The following CHN1 variants were observed in gnomAD, a reference collection of about 807,000 sequenced individuals.
CHN1 encodes the protein N-chimaerin.
CHN1 carries 37 observed loss-of-function variants against 59.5 expected under a neutral mutation model. The ratio of observed to expected loss-of-function variants is 0.62; its 90% confidence interval spans 0.48 to 0.82. The LOEUF (loss-of-function observed/expected upper bound fraction) is 0.82, where lower values mean the gene tolerates loss of function less well. Among genes scored for constraint, CHN1 ranks in the 40% least tolerant of loss-of-function variants. The pLI, the probability that CHN1 is intolerant of heterozygous loss-of-function variation, is 0.00. For synonymous variants in CHN1, 206 were observed against 200.4 expected (o/e 1.03, Z -0.24); for missense variants, 469 against 571.0 (o/e 0.82, Z 1.82).
chr2:174,868,713 G>C (rs962088607), intron 6 of CHN1, among the ~76,000 whole-genome samples: 14 of 152,132 alleles, frequency 9.2e-5, no homozygotes, highest in Non-Finnish European at 1.2e-4. Context: ...TGCTACACAA[G>C]AGAATGTCAT....
chr2:174,962,396 T>C (rs1262415394), intron 1 of CHN1, among the ~76,000 whole-genome samples: 3 of 152,124 alleles, frequency 2.0e-5, no homozygotes, highest in Admixed American at 6.5e-5. Flanking sequence ...AACAGCAGCT[T>C]GTTCAAAGTT....
At chr2:174,865,280 G>A (rs1235856984) in intron 6 of CHN1, among the ~76,000 whole-genome samples, 1 of 152,086 alleles carries the variant, frequency 6.6e-6, no homozygotes, top group Non-Finnish European at 1.5e-5. Flanking sequence ...AGCTCTAGAG[G>A]TACTACTCCC....
At position 175,005,041 on chromosome 2, in the gene CHN1, C is replaced by A; in HGVS notation, c.-129G>T. The stretch of plus-strand genomic sequence containing the variant: ...GCCCGATGGGGCGTGCTGGGGGCGC[C>A]GGCGCCCGGGGAGGCTGCAGGCCGG... On this transcript the variant is annotated 5_prime_UTR_variant, in exon 1 of 13. Coordinates refer to ENST00000409900, the MANE Select transcript of CHN1 (RefSeq NM_001822.7). The A allele has an allele frequency of 7.2e-7, 1 of 1,392,544 alleles. No homozygotes were observed. The highest frequency in any genetic ancestry group is 9.3e-7 in the Non-Finnish European group (1 of 1,070,066). 86.3% of individuals were successfully genotyped at this position (1,392,544 alleles called of 1,614,324 possible). A position where few individuals can be genotyped will look rare whatever the true frequency, so the allele number is the denominator to read the frequency against.
At chr2:174,825,202 G>A (rs914322837) in intron 7 of CHN1, among the ~76,000 whole-genome samples, 1 of 152,134 alleles carries the variant, frequency 6.6e-6, no homozygotes, top group African/African-American at 2.4e-5. Context: ...TATGTCTTGG[G>A]TCCTGTTAGG....
chr2:174,988,387 G>A (rs189636039), intron 1 of CHN1, among the ~76,000 whole-genome samples: 3 of 151,650 alleles, frequency 2.0e-5, no homozygotes, highest in African/African-American at 7.3e-5. Context: ...CAAATACTTG[G>A]GGAAAAATAG....
intron 1 of CHN1, among the ~76,000 whole-genome samples, chr2:174,984,245 G>GCTC (rs1691262162): frequency 1.3e-5 from 2 of 151,546 alleles, no homozygotes; most frequent in South Asian, 4.2e-4. Flanking sequence ...CCTTACATCT[G>GCTC]CTCCTACATA....
intron 3 of CHN1, among the ~76,000 whole-genome samples, chr2:174,936,321 G>A (rs1689493941): frequency 6.6e-6 from 1 of 151,966 alleles, no homozygotes; most frequent in Admixed American, 6.6e-5. Flanking sequence ...CCACTTTGAG[G>A]GTCCATGTTT....
intron 3 of CHN1, among the ~76,000 whole-genome samples, chr2:174,928,951 A>T (rs1689253171): frequency 6.6e-6 from 1 of 152,244 alleles, no homozygotes; most frequent in Non-Finnish European, 1.5e-5. Flanking sequence ...TACTTATAAA[A>T]GACCTACATA....
chr2:174,897,099 C>T (rs1688239924), intron 5 of CHN1, among the ~76,000 whole-genome samples: 1 of 152,088 alleles, frequency 6.6e-6, no homozygotes, highest in South Asian at 2.1e-4. Flanking sequence ...TGTGTTCTGG[C>T]AAAATTTGGG....
intron 3 of CHN1, 25 bp from the exon 4 acceptor site, chr2:174,918,590 C>T: frequency 1.9e-6 from 3 of 1,576,264 alleles, no homozygotes; most frequent in Non-Finnish European, 2.6e-6. Flanking sequence ...AAAAAACAGG[C>T]ATATTTGTAA....
chr2:174,993,315 C>G (rs1691608215), intron 1 of CHN1, among the ~76,000 whole-genome samples: 1 of 138,250 alleles, frequency 7.2e-6, no homozygotes, highest in African/African-American at 2.8e-5. Flanking sequence ...TCTCTCTCCC[C>G]TATCACAATA....
intron 5 of CHN1, among the ~76,000 whole-genome samples, chr2:174,895,465 G>T (rs79672904): frequency 0.042 from 6,313 of 152,042 alleles, 466 homozygotes; most frequent in African/African-American, 0.14. Context: ...CAGATTTTCA[G>T]TCACACAAGA....
At chr2:174,839,039 G>T (rs1686196643) in intron 7 of CHN1, among the ~76,000 whole-genome samples, 1 of 151,536 alleles carries the variant, frequency 6.6e-6, no homozygotes, top group African/African-American at 2.4e-5. Flanking sequence ...AAATTTAGAA[G>T]AAGTGACAAT....
intron 1 of CHN1, among the ~76,000 whole-genome samples, chr2:174,961,826 G>A (rs1478331318): frequency 6.6e-6 from 1 of 152,066 alleles, no homozygotes; most frequent in Non-Finnish European, 1.5e-5. Context: ...TTAGATACTA[G>A]CAAGAGAATG....
At position 175,005,360 on chromosome 2, in the gene CHN1, A is replaced by G. The variant is rs1292908876; in HGVS notation, c.-448T>C. The G allele has an allele frequency of 1.8e-6, 2 of 1,115,730 alleles. No homozygotes were observed. Among genetic ancestry groups the G allele is most frequent in the Non-Finnish European group, 2.2e-6 (2 of 902,742 alleles). 69.1% of individuals were successfully genotyped at this position (1,115,730 alleles called of 1,614,324 possible). A position where few individuals can be genotyped will look rare whatever the true frequency, so the allele number is the denominator to read the frequency against. ...CGCATCCCGCGGCCTCGCAGACGCC[A>G]TCTTGCGATAGCGTCTCCCACGAGC... On this transcript the variant is annotated 5_prime_UTR_variant, in exon 1 of 13. It removes an upstream start codon present in the reference 5' UTR. Coordinates refer to ENST00000409900, the MANE Select transcript of CHN1 (RefSeq NM_001822.7).
intron 1 of CHN1, 82 bp downstream of exon 1, chr2:175,004,812 G>C: frequency 1.1e-6 from 1 of 883,664 alleles, no homozygotes. Flanking sequence ...CCCTCCCCGG[G>C]CGCCCAGGCC....
intron 10 of CHN1, chr2:174,810,901 T>C (rs1685049163): frequency 1.3e-5 from 2 of 152,240 alleles, no homozygotes; most frequent in South Asian, 4.1e-4. Flanking sequence ...TTCTAGTCCT[T>C]GAAGCAAAGA....
intron 5 of CHN1, among the ~76,000 whole-genome samples, chr2:174,885,648 T>C (rs1687874146): frequency 1.3e-5 from 2 of 152,094 alleles, no homozygotes; most frequent in Admixed American, 6.5e-5. Context: ...CCAGCTAATA[T>C]TTAGTAGAGT....
At chr2:174,838,733 G>C (rs1486268959) in intron 7 of CHN1, among the ~76,000 whole-genome samples, 1 of 152,112 alleles carries the variant, frequency 6.6e-6, no homozygotes, top group African/African-American at 2.4e-5. Flanking sequence ...GAATTTTACA[G>C]GCCAGGTGCA....
Sources: gnomAD v4.1 joint callset for allele counts (sites outside exome capture counted in the v4.1 genomes callset) on GRCh38, gnomAD v4.1.1 for gene constraint, MANE v1.5 for transcripts, NCBI Gene and HGNC (gene_info 2026-07-23, HGNC 2026-07-21) for gene names.